NCK2: variants seen among roughly 807,000 people sequenced by gnomAD.
The protein encoded by NCK2 is cytoplasmic protein NCK2.
In NCK2, 16 loss-of-function variants were observed where a neutral mutation model predicts 33.9. The observed-to-expected ratio is 0.47, with a 90% CI of 0.32 to 0.72. The LOEUF (loss-of-function observed/expected upper bound fraction) is 0.72, where lower values mean the gene tolerates loss of function less well. Among genes scored for constraint, NCK2 ranks in the 30% least tolerant of loss-of-function variants. NCK2 has a pLI of 0.03. For synonymous variants in NCK2, 273 were observed against 239.9 expected, an observed-to-expected ratio of 1.14 and a Z score of -1.27; for missense variants, 418 against 537.3, an observed-to-expected ratio of 0.78 and a Z score of 2.19.
At chr2:105,778,595 C>G (rs1479679875) in intron 1 of NCK2, among the ~76,000 whole-genome samples, 1 of 152,238 alleles carries the variant, frequency 6.6e-6, no homozygotes. Context: ...CTGGTGGCTG[C>G]GTGAACCAAA....
chr2:105,853,313 C>A (rs1322154215), intron 2 of NCK2, among the ~76,000 whole-genome samples: 3 of 152,152 alleles, frequency 2.0e-5, no homozygotes, highest in Non-Finnish European at 4.4e-5. Flanking sequence ...TTCAGCCACA[C>A]TTTTGCTATT....
intron 1 of NCK2, among the ~76,000 whole-genome samples, chr2:105,774,881 G>A (rs4851864): frequency 0.81 from 123,077 of 151,680 alleles, 50,129 homozygotes; most frequent in East Asian, 0.88. Flanking sequence ...TAGATGTACA[G>A]CTGAAAAAAC....
chr2:105,868,934 G>A (rs994356658), intron 3 of NCK2, among the ~76,000 whole-genome samples: 3 of 152,202 alleles, frequency 2.0e-5, no homozygotes, highest in African/African-American at 7.2e-5. Context: ...GCCCAGGTTT[G>A]GAGGCTGGAG....
intron 2 of NCK2, among the ~76,000 whole-genome samples, chr2:105,824,034 A>T (rs1292269969): frequency 6.6e-6 from 1 of 152,084 alleles, no homozygotes; most frequent in Non-Finnish European, 1.5e-5. Context: ...GTCCTCAGGT[A>T]GGCTCTCCCT....
At chr2:105,776,297 T>C (rs1373412917) in intron 1 of NCK2, among the ~76,000 whole-genome samples, 2 of 152,274 alleles carry the variant, frequency 1.3e-5, no homozygotes, top group Non-Finnish European at 2.9e-5. Flanking sequence ...TTTTGCCCTT[T>C]ATTTCTATAA....
chr2:105,844,766 A>ATATG (rs979516215), intron 2 of NCK2, among the ~76,000 whole-genome samples: 7 of 132,728 alleles, frequency 5.3e-5, no homozygotes, highest in African/African-American at 1.8e-4. Flanking sequence ...ATATATATAT[A>ATATG]TATGTATGTA....
At position 105,894,138 on chromosome 2, in the gene NCK2, A is replaced by G. The variant is rs1312446426; in HGVS notation, c.*962A>G. 1 of 152,592 alleles carries G rather than the reference A, an allele frequency of 6.6e-6. No individual in the cohort carries two copies. The highest frequency in any genetic ancestry group is 2.4e-5 in the African/African-American group (1 of 41,448). The allele number at this position is 152,592 out of a possible 1,614,324, so 9.5% of individuals were successfully genotyped here. A position where few individuals can be genotyped will look rare whatever the true frequency, so the allele number is the denominator to read the frequency against. ...AAATTGCATTTTCTTTTTCCTTTAC[A>G]TTTGAACTTCTTTATAGTTTAAATA... On this transcript the variant is annotated 3_prime_UTR_variant, in exon 5 of 5. Transcript: ENST00000233154.
intron 1 of NCK2, among the ~76,000 whole-genome samples, chr2:105,772,085 G>A (rs775057638): frequency 6.6e-6 from 1 of 150,500 alleles, no homozygotes; most frequent in Non-Finnish European, 1.5e-5. Context: ...TGGCTCAGCC[G>A]AGGGCAGTGT....
chr2:105,886,881 G>T (rs1678742196), intron 4 of NCK2, among the ~76,000 whole-genome samples: 2 of 152,226 alleles, frequency 1.3e-5, no homozygotes, highest in Admixed American at 1.3e-4. Context: ...TGTAGTTGAT[G>T]ATTGACTTTT....
intron 1 of NCK2, among the ~76,000 whole-genome samples, chr2:105,753,205 C>T (rs1689507682): frequency 6.6e-6 from 1 of 152,208 alleles, no homozygotes; most frequent in Non-Finnish European, 1.5e-5. Flanking sequence ...AGCTTGCATA[C>T]AGGTTCATTC....
At chr2:105,831,737 G>C (rs1324103315) in intron 2 of NCK2, among the ~76,000 whole-genome samples, 1 of 152,022 alleles carries the variant, frequency 6.6e-6, no homozygotes, top group Non-Finnish European at 1.5e-5. Flanking sequence ...TCTCTATTCT[G>C]TTCCCTTTGT....
chr2:105,891,633 C>T (rs1369049666), intron 4 of NCK2, among the ~76,000 whole-genome samples: 2 of 145,150 alleles, frequency 1.4e-5, no homozygotes, highest in African/African-American at 5.2e-5. Flanking sequence ...ACAACTTCCA[C>T]CTCCCAGGTT....
At chr2:105,846,018 C>T (rs1676842228) in intron 2 of NCK2, among the ~76,000 whole-genome samples, 1 of 152,066 alleles carries the variant, frequency 6.6e-6, no homozygotes. Flanking sequence ...CATTTGTTTA[C>T]AGTTAACATC....
intron 2 of NCK2, among the ~76,000 whole-genome samples, chr2:105,826,310 C>T (rs1402105504): frequency 6.6e-6 from 1 of 152,150 alleles, no homozygotes; most frequent in Non-Finnish European, 1.5e-5. Context: ...GACTCAATTA[C>T]CTCCACTGGT....
At chr2:105,812,100 G>A (rs1460003227) in intron 1 of NCK2, among the ~76,000 whole-genome samples, 1 of 152,134 alleles carries the variant, frequency 6.6e-6, no homozygotes, top group East Asian at 1.9e-4. Context: ...ATATGGAATT[G>A]ATATAATTTC....
At chr2:105,791,119 C>T (rs574765770) in intron 1 of NCK2, among the ~76,000 whole-genome samples, 17 of 152,284 alleles carry the variant, frequency 1.1e-4, no homozygotes, top group African/African-American at 3.6e-4. Context: ...TTGGAAGCCC[C>T]TGCGGCCCTG....
At chr2:105,791,996 G>A (rs1429832593) in intron 1 of NCK2, among the ~76,000 whole-genome samples, 1 of 152,148 alleles carries the variant, frequency 6.6e-6, no homozygotes, top group Non-Finnish European at 1.5e-5. Context: ...ATGGGTTAGC[G>A]GTTGATTCTG....
At chr2:105,832,961 C>T (rs1409810908) in intron 2 of NCK2, among the ~76,000 whole-genome samples, 4 of 147,090 alleles carry the variant, frequency 2.7e-5, no homozygotes, top group African/African-American at 1.0e-4. Flanking sequence ...AAATTCAGCA[C>T]TAAGGCCATC....
At chr2:105,870,908 T>A (rs1376836233) in intron 3 of NCK2, among the ~76,000 whole-genome samples, 1 of 151,142 alleles carries the variant, frequency 6.6e-6, no homozygotes, top group Non-Finnish European at 1.5e-5. Flanking sequence ...GACATACGGG[T>A]GTGTGAGTGC....
Sources: gnomAD v4.1 joint callset for allele counts (sites outside exome capture counted in the v4.1 genomes callset) on GRCh38, gnomAD v4.1.1 for gene constraint, MANE v1.5 for transcripts, NCBI Gene and HGNC (gene_info 2026-07-23, HGNC 2026-07-21) for gene names.